The following FRMD4B variants were observed in gnomAD, a reference collection of about 807,000 sequenced individuals.
FRMD4B encodes FERM domain containing 4B.
FRMD4B carries 74 observed loss-of-function variants against 141.5 expected under a neutral mutation model. The observed-to-expected ratio is 0.52, with a 90% CI of 0.43 to 0.63. FRMD4B has a LOEUF of 0.63. Among genes scored for constraint, FRMD4B ranks in the 30% least tolerant of loss-of-function variants. FRMD4B has a pLI of 0.00. For synonymous variants in FRMD4B, 506 were observed against 467.9 expected (o/e 1.08, Z -1.05); for missense variants, 1,366 against 1,253.4 (o/e 1.09, Z -1.36).
intron 1 of FRMD4B, among the ~76,000 whole-genome samples, chr3:69,461,383 ACCC>A (rs5849903): frequency 0.35 from 53,160 of 150,802 alleles, 9,885 homozygotes; most frequent in African/African-American, 0.48. Context: ...ACATAGTGAG[ACCC>A]CCCCCATCTC....
chr3:69,333,237 A>G (rs566696253), intron 1 of FRMD4B, among the ~76,000 whole-genome samples: 1 of 152,214 alleles, frequency 6.6e-6, no homozygotes, highest in Non-Finnish European at 1.5e-5. Context: ...CCTGGAGATA[A>G]AAATCTCTGG....
intron 7 of FRMD4B, among the ~76,000 whole-genome samples, chr3:69,248,203 T>G (rs1337177830): frequency 6.6e-6 from 1 of 152,084 alleles, no homozygotes; most frequent in Non-Finnish European, 1.5e-5. Context: ...GTGTTTGATT[T>G]TCATGATTTC....
At chr3:69,486,634 G>A (rs1452007636) in intron 1 of FRMD4B, among the ~76,000 whole-genome samples, 1 of 152,142 alleles carries the variant, frequency 6.6e-6, no homozygotes, top group African/African-American at 2.4e-5. Flanking sequence ...GAAAAGGGGG[G>A]AAAATGTTTA....
chr3:69,439,164 A>T (rs972413249), intron 1 of FRMD4B, among the ~76,000 whole-genome samples: 4 of 152,320 alleles, frequency 2.6e-5, no homozygotes, highest in African/African-American at 9.6e-5. Context: ...ATTTTGCTCA[A>T]CATGGTTTTT....
At chr3:69,537,014 TTGG>T (rs1336591213) in intron 1 of FRMD4B, among the ~76,000 whole-genome samples, 26 of 152,162 alleles carry the variant, frequency 1.7e-4, no homozygotes, top group Admixed American at 1.7e-3. Flanking sequence ...TCCCAAAGTG[TTGG>T]GATTACAGGC....
intron 1 of FRMD4B, among the ~76,000 whole-genome samples, chr3:69,326,138 G>A (rs1055951346): frequency 1.1e-4 from 5 of 45,450 alleles, no homozygotes; most frequent in African/African-American, 4.1e-4. Flanking sequence ...TTTTTTTTTT[G>A]TAGAGATAAG....
chr3:69,213,421 T>G (rs2093106513), intron 11 of FRMD4B, among the ~76,000 whole-genome samples: 1 of 151,958 alleles, frequency 6.6e-6, no homozygotes, highest in African/African-American at 2.4e-5. Flanking sequence ...AAAAAATATT[T>G]GAAAAAATTG....
rs2092567223 is a variant in FRMD4B, at chr3:69,169,869, G to A, written c.*1992C>T. On this transcript the variant is annotated 3_prime_UTR_variant, in exon 23 of 23. Coordinates refer to ENST00000398540, the MANE Select transcript of FRMD4B (RefSeq NM_015123.3). ...TCAGAGAACTAATTTCTTGAATTTA[G>A]AAGACCTGTTTGCCAGTCTGTGAAA... 1 of 152,106 alleles carries A rather than the reference G, an allele frequency of 6.6e-6. No homozygotes were observed. Among genetic ancestry groups the A allele is most frequent in the Non-Finnish European group, 1.5e-5 (1 of 68,020 alleles). The allele number at this position is 152,106 out of a possible 1,614,324, so 9.4% of individuals were successfully genotyped here. A position where few individuals can be genotyped will look rare whatever the true frequency, so the allele number is the denominator to read the frequency against.
intron 5 of FRMD4B, among the ~76,000 whole-genome samples, chr3:69,283,072 GA>G (rs1345349090): frequency 6.6e-6 from 1 of 152,036 alleles, no homozygotes; most frequent in Non-Finnish European, 1.5e-5. Context: ...GACAAGTCAT[GA>G]AACACTCCCA....
intron 1 of FRMD4B, among the ~76,000 whole-genome samples, chr3:69,341,478 T>C (rs1230907298): frequency 2.0e-5 from 3 of 152,326 alleles, no homozygotes; most frequent in Middle Eastern, 3.4e-3. Context: ...AGAAACAGTA[T>C]AAATGGCTGC....
At chr3:69,359,516 CAT>C (rs1223569282) in intron 1 of FRMD4B, among the ~76,000 whole-genome samples, 1 of 152,222 alleles carries the variant, frequency 6.6e-6, no homozygotes, top group Non-Finnish European at 1.5e-5. Context: ...TTCAGGATCA[CAT>C]GTTTTAGCAG....
chr3:69,539,966 G>A (rs1217572438), intron 1 of FRMD4B, among the ~76,000 whole-genome samples: 1 of 152,022 alleles, frequency 6.6e-6, no homozygotes, highest in Admixed American at 6.6e-5. Context: ...GAGGCGAGTG[G>A]TGGATGGTTT....
At chr3:69,345,508 T>G (rs548786067) in intron 1 of FRMD4B, among the ~76,000 whole-genome samples, 1 of 152,128 alleles carries the variant, frequency 6.6e-6, no homozygotes, top group Non-Finnish European at 1.5e-5. Context: ...CAGCAGGAGT[T>G]TGAGATCTGA....
At chr3:69,240,467 A>G (rs529857011) in intron 7 of FRMD4B, among the ~76,000 whole-genome samples, 1 of 130,530 alleles carries the variant, frequency 7.7e-6, no homozygotes, top group South Asian at 2.8e-4. Context: ...TGGACGACAG[A>G]GCAAGACTCT....
chr3:69,267,620 TATATATATATATATATAGAGAGAGAG>T (rs1559765319), intron 5 of FRMD4B, among the ~76,000 whole-genome samples: 823 of 33,294 alleles, frequency 0.025, 5 homozygotes, highest in Non-Finnish European at 0.03. Flanking sequence ...TATATATATA[TATATATATATATATATAGAGAGAGAG>T]AGAGAGAGAG....
intron 5 of FRMD4B, among the ~76,000 whole-genome samples, chr3:69,273,680 C>A (rs570749204): frequency 5.9e-5 from 9 of 152,236 alleles, no homozygotes; most frequent in Middle Eastern, 3.4e-3. Flanking sequence ...GTGTAAACTA[C>A]ATTTATTTTG....
intron 1 of FRMD4B, among the ~76,000 whole-genome samples, chr3:69,498,350 A>C (rs534907421): frequency 5.3e-5 from 8 of 152,334 alleles, no homozygotes; most frequent in Non-Finnish European, 1.2e-4. Context: ...TTATGACAAG[A>C]ATATTTGTTA....
At chr3:69,513,066 G>C (rs1276222013) in intron 1 of FRMD4B, among the ~76,000 whole-genome samples, 6 of 151,780 alleles carry the variant, frequency 4.0e-5, no homozygotes, top group African/African-American at 1.5e-4. Context: ...ATAAAGATTA[G>C]AGCAGAGATA....
upstream of FRMD4B, among the ~76,000 whole-genome samples, chr3:69,389,910 C>CT (rs35438609): frequency 0.66 from 97,542 of 148,514 alleles, 31,865 homozygotes; most frequent in Non-Finnish European, 0.68. Flanking sequence ...TTCTTTCTTT[C>CT]TTTTTTTTTT....
Sources: gnomAD v4.1 joint callset for allele counts (sites outside exome capture counted in the v4.1 genomes callset) on GRCh38, gnomAD v4.1.1 for gene constraint, MANE v1.5 for transcripts, NCBI Gene and HGNC (gene_info 2026-07-23, HGNC 2026-07-21) for gene names.